The following ARID5B variants were observed in gnomAD, a reference collection of about 807,000 sequenced individuals.
ARID5B encodes the protein AT-rich interaction domain 5B.
ARID5B carries 13 observed loss-of-function variants against 97.2 expected under a neutral mutation model. The observed-to-expected ratio is 0.13, with a 90% CI of 0.09 to 0.21. ARID5B has a LOEUF of 0.21. ARID5B is among the 10% of genes least tolerant of loss of function. The probability of loss-of-function intolerance (pLI) is 1.00; values close to 1 mark genes in which losing one functional copy is unlikely to be tolerated. For synonymous variants in ARID5B, 556 were observed against 570.3 expected (o/e 0.97, Z 0.36); for missense variants, 1,210 against 1,465.3 (o/e 0.83, Z 2.84).
At chr10:62,071,634 G>T (rs1031104951) in intron 8 of ARID5B, among the ~76,000 whole-genome samples, 1 of 151,144 alleles carries the variant, frequency 6.6e-6, no homozygotes, top group African/African-American at 2.4e-5. Context: ...TGATTGAGCA[G>T]GTCTGTGAAT....
intron 2 of ARID5B, among the ~76,000 whole-genome samples, chr10:61,908,337 A>T (rs1015811344): frequency 1.3e-5 from 2 of 152,220 alleles, no homozygotes; most frequent in Non-Finnish European, 2.9e-5. Context: ...AACATGTCTA[A>T]AAATGTAAAA....
intron 7 of ARID5B, among the ~76,000 whole-genome samples, chr10:62,059,711 A>T (rs1309954546): frequency 6.6e-6 from 1 of 152,224 alleles, no homozygotes; most frequent in Non-Finnish European, 1.5e-5. Flanking sequence ...ATTAAGGAAT[A>T]GAATGCAGCA....
At chr10:62,071,149 ACT>A (rs1377797416) in intron 8 of ARID5B, among the ~76,000 whole-genome samples, 4 of 148,888 alleles carry the variant, frequency 2.7e-5, no homozygotes, top group Non-Finnish European at 5.9e-5. Context: ...GATTCTCCTG[ACT>A]CAGTCTCCCA....
At chr10:61,933,404 T>G (rs575617934) in intron 2 of ARID5B, among the ~76,000 whole-genome samples, 70 of 152,362 alleles carry the variant, frequency 4.6e-4, no homozygotes, top group African/African-American at 1.6e-3. Context: ...CTGAATGTAC[T>G]TAATGGCATC....
intron 3 of ARID5B, among the ~76,000 whole-genome samples, chr10:61,952,534 T>C (rs1467968087): frequency 1.3e-5 from 2 of 152,230 alleles, no homozygotes; most frequent in African/African-American, 4.8e-5. Context: ...TAAGTAAACA[T>C]GCGGCTTTTA....
At chr10:61,972,955 C>T (rs1187231925) in intron 3 of ARID5B, among the ~76,000 whole-genome samples, 1 of 152,186 alleles carries the variant, frequency 6.6e-6, no homozygotes, top group Non-Finnish European at 1.5e-5. Flanking sequence ...GTTGGGCAAA[C>T]TTAGATATAG....
intron 4 of ARID5B, among the ~76,000 whole-genome samples, chr10:62,035,037 G>A (rs1564632915): frequency 1.3e-5 from 2 of 152,212 alleles, no homozygotes; most frequent in Non-Finnish European, 2.9e-5. Flanking sequence ...CACAGACAAG[G>A]TGGGTTTCTG....
intron 3 of ARID5B, among the ~76,000 whole-genome samples, chr10:61,996,063 G>T (rs1564623041): frequency 6.6e-6 from 1 of 152,168 alleles, no homozygotes; most frequent in Non-Finnish European, 1.5e-5. Context: ...GGAGGTTGAT[G>T]AAAGGTAGGG....
Position 62,091,788 on chromosome 10 carries a change from T to A in ARID5B, c.2325T>A (p.His775Gln). Residue 775 changes from histidine (H) to glutamine (Q), a missense_variant, in exon 10 of 10, where the codon CAT becomes CAA. This residue lies in a region of ARID5B where 800 missense variants were observed against 839.1 expected (regional missense o/e 0.95). Coordinates refer to ENST00000279873, the MANE Select transcript of ARID5B (RefSeq NM_032199.3). ...AGACCATCAATGACATCTTTAAGCATGAGAAACTGAGTCGATCAGATCCCC... is the reference window on the plus strand; with the variant it reads ...AGACCATCAATGACATCTTTAAGCAAGAGAAACTGAGTCGATCAGATCCCC... ...ERKTINDIFK[H>Q]EKLSRSDPHR... 2 of 1,614,106 alleles carry A rather than the reference T, an allele frequency of 1.2e-6. No individual in the cohort carries two copies. Among genetic ancestry groups the A allele is most frequent in the Non-Finnish European group, 1.7e-6 (2 of 1,180,010 alleles).
intron 2 of ARID5B, among the ~76,000 whole-genome samples, chr10:61,923,524 T>C (rs1844052732): frequency 6.6e-6 from 1 of 152,210 alleles, no homozygotes. Context: ...AAATATTTGT[T>C]GAACTGATAA....
intron 3 of ARID5B, among the ~76,000 whole-genome samples, chr10:61,976,872 T>A (rs996035021): frequency 5.8e-5 from 8 of 137,954 alleles, no homozygotes; most frequent in African/African-American, 1.4e-4. Context: ...TTTTTTTTTT[T>A]ATTATACTTT....
intron 4 of ARID5B, among the ~76,000 whole-genome samples, chr10:62,047,502 C>T (rs947929789): frequency 6.6e-6 from 1 of 152,150 alleles, no homozygotes; most frequent in Non-Finnish European, 1.5e-5. Context: ...GTACTGCTCT[C>T]TCCCTAGCAG....
intron 3 of ARID5B, among the ~76,000 whole-genome samples, chr10:61,964,898 C>T (rs1589237788): frequency 6.6e-6 from 1 of 152,214 alleles, no homozygotes; most frequent in Middle Eastern, 3.4e-3. Flanking sequence ...CCTTCTTTAC[C>T]ATCACATGTG....
At chr10:61,992,723 A>G (rs1043925774) in intron 3 of ARID5B, among the ~76,000 whole-genome samples, 1 of 152,134 alleles carries the variant, frequency 6.6e-6, no homozygotes, top group Non-Finnish European at 1.5e-5. Context: ...TTTAGTTAAT[A>G]AAGCCAAGCC....
In ARID5B at chr10:62,050,936, G is replaced by A; in HGVS notation, c.782G>A (p.Arg261Lys). 6.2e-7 allele frequency: 1 copy of A among 1,614,188 alleles called. No individual in the cohort carries two copies. Among genetic ancestry groups the A allele is most frequent in the Non-Finnish European group, 8.5e-7 (1 of 1,180,008 alleles). The change falls in exon 5 of 10, where the codon AGA (arginine) becomes AAA (lysine). Residue 261 changes from arginine to lysine, a missense_variant. Transcript: ENST00000279873. Reference protein sequence around the residue: ...RPRKKKPCPQRRDSFSGVKDS... With the variant: ...RPRKKKPCPQKRDSFSGVKDS... The stretch of plus-strand genomic sequence containing the variant: ...CGCAAAAAGAAACCATGCCCACAAA[G>A]AAGAGATTCATTCAGTGGTGTTAAG...
chr10:61,945,794 G>T (rs1288011437), intron 3 of ARID5B, among the ~76,000 whole-genome samples: 4 of 151,904 alleles, frequency 2.6e-5, no homozygotes, highest in Non-Finnish European at 4.4e-5. Flanking sequence ...TCAGAAGCAG[G>T]TTCTGTATGA....
intron 3 of ARID5B, among the ~76,000 whole-genome samples, chr10:61,961,684 A>G (rs938048656): frequency 4.6e-5 from 7 of 152,158 alleles, no homozygotes; most frequent in Non-Finnish European, 1.0e-4. Flanking sequence ...GTGGTTTGAT[A>G]CCTAGCCCCT....
intron 3 of ARID5B, among the ~76,000 whole-genome samples, chr10:61,943,370 T>C (rs890892682): frequency 1.1e-4 from 16 of 152,288 alleles, no homozygotes; most frequent in South Asian, 4.1e-4. Flanking sequence ...ACATTGTTAA[T>C]GGAAATTCAC....
intron 2 of ARID5B, among the ~76,000 whole-genome samples, chr10:61,908,463 A>C (rs944598883): frequency 7.2e-5 from 11 of 151,960 alleles, no homozygotes; most frequent in African/African-American, 2.4e-4. Context: ...AATTTCTCAG[A>C]TGTTGATTGA....
Sources: allele counts gnomAD v4.1 joint callset (sites outside exome capture counted in the v4.1 genomes callset), GRCh38; gene constraint gnomAD v4.1.1; regional missense constraint gnomAD v4.1.1; transcripts MANE v1.5; gene names NCBI Gene and HGNC (gene_info 2026-07-23, HGNC 2026-07-21).